PAN3: variants seen among roughly 807,000 people sequenced by gnomAD.
The protein encoded by PAN3 is PAN2-PAN3 deadenylation complex subunit PAN3.
PAN3 carries 19 observed loss-of-function variants against 96.2 expected under a neutral mutation model. That is an observed-to-expected ratio of 0.20 (90% CI 0.14 to 0.29). The LOEUF (loss-of-function observed/expected upper bound fraction) is 0.29. Ranked by LOEUF, PAN3 falls within the 10% of genes least tolerant of loss-of-function variation. The probability of loss-of-function intolerance (pLI) is 1.00; values close to 1 mark genes in which losing one functional copy is unlikely to be tolerated. For missense variants in PAN3, 882 were observed against 1,108.1 expected, an observed-to-expected ratio of 0.80 and a Z score of 2.90; for synonymous variants, 433 against 406.6, an observed-to-expected ratio of 1.06 and a Z score of -0.78.
At chr13:28,246,856 C>T (rs188357668) in intron 6 of PAN3, among the ~76,000 whole-genome samples, 273 of 152,204 alleles carry the variant, frequency 1.8e-3, no homozygotes, top group African/African-American at 6.2e-3. Flanking sequence ...TGTATCTCGG[C>T]TATTGTGAAT....
At chr13:28,277,216 A>G in intron 14 of PAN3, 21 bp from the exon 15 acceptor site, 2 of 1,592,690 alleles carry the variant, frequency 1.3e-6, no homozygotes, top group Non-Finnish European at 1.7e-6. Context: ...ATTAAAAGTT[A>G]TATTTATTCT....
chr13:28,144,223 T>TG (rs1870271445), intron 1 of PAN3, among the ~76,000 whole-genome samples: 1 of 143,654 alleles, frequency 7.0e-6, no homozygotes, highest in Admixed American at 7.0e-5. Flanking sequence ...TTTTTTTTTT[T>TG]TTTTTTTTTT....
chr13:28,270,643 C>G, intron 12 of PAN3, 58 bp from the exon 13 acceptor site: 15 of 1,545,530 alleles, frequency 9.7e-6, no homozygotes, highest in Non-Finnish European at 1.3e-5. Flanking sequence ...GATGTTAATG[C>G]TTTAGTCTTT....
intron 4 of PAN3, among the ~76,000 whole-genome samples, chr13:28,191,227 C>T (rs746040122): frequency 6.6e-6 from 1 of 152,194 alleles, no homozygotes. Context: ...CTGATCTTCT[C>T]TTTAACCTCT....
rs377685978 is a variant in PAN3, at chr13:28,197,330, C to G, written c.836C>G (p.Thr279Arg). ...AATATGGTTTGGTGGAACAGAGTCACAGAAAACAATTTACAGGTAAAAATA... is the reference window on the plus strand; with the variant it reads ...AATATGGTTTGGTGGAACAGAGTCAGAGAAAACAATTTACAGGTAAAAATA... ...PINMVWWNRV[T>R]ENNLQTPNPT... The change falls in exon 5 of 19, where the codon ACA becomes AGA. Residue 279 changes from threonine to arginine, a missense_variant. Around this residue, in one of 3 missense-constraint regions of PAN3, gnomAD observed 442 missense variants for 422.8 expected, o/e 1.05. Coordinates refer to ENST00000380958, the MANE Select transcript of PAN3 (RefSeq NM_175854.8). 73 of 1,601,790 alleles carry G rather than the reference C, an allele frequency of 4.6e-5. No homozygotes were observed. Among genetic ancestry groups the G allele is most frequent in the Non-Finnish European group, 6.0e-5 (71 of 1,174,378 alleles).
intron 4 of PAN3, among the ~76,000 whole-genome samples, chr13:28,189,538 AC>A (rs67429923): frequency 0.22 from 32,876 of 151,158 alleles, 3,671 homozygotes; most frequent in East Asian, 0.33. Context: ...ACAAAACAAA[AC>A]AAAAAAACTC....
chr13:28,288,778 C>T (rs189884605), intron 18 of PAN3, among the ~76,000 whole-genome samples: 148 of 151,284 alleles, frequency 9.8e-4, no homozygotes, highest in Middle Eastern at 3.5e-3. Context: ...GAACCCCTTC[C>T]GAATCATTGT....
chr13:28,161,236 G>A (rs1425284159), intron 1 of PAN3, among the ~76,000 whole-genome samples: 1 of 152,056 alleles, frequency 6.6e-6, no homozygotes, highest in Non-Finnish European at 1.5e-5. Flanking sequence ...TATTGTCTCA[G>A]GTTTGGAGGC....
intron 6 of PAN3, among the ~76,000 whole-genome samples, chr13:28,236,262 C>CT (rs545660180): frequency 9.7e-4 from 148 of 152,242 alleles, no homozygotes; most frequent in African/African-American, 3.4e-3. Flanking sequence ...TGATCTCATG[C>CT]TGGTTCCAGT....
rs186480959 is a variant in PAN3, at chr13:28,154,653, C to T, written c.430+15566C>T. On this transcript the variant is annotated intron_variant, in intron 1 of 18. Transcript: ENST00000380958. Reference sequence around the variant, plus strand: ...GGGATTACAGGTGCCCTCCACTACGCCCAGCTAATTTTTTGTATTTTTAGT... The same window carrying T: ...GGGATTACAGGTGCCCTCCACTACGTCCAGCTAATTTTTTGTATTTTTAGT... Among the ~76,000 whole-genome samples the T allele has an allele frequency of 7.9e-5, 12 of 152,016 alleles. No homozygotes were observed. In the East Asian group the frequency reaches 2.3e-3, roughly 29 times the overall value.
chr13:28,173,934 CAGG>C (rs1042533979), intron 1 of PAN3, among the ~76,000 whole-genome samples: 49 of 152,160 alleles, frequency 3.2e-4, no homozygotes, highest in African/African-American at 1.2e-3. Flanking sequence ...CAGTGATTCA[CAGG>C]AGAAATTGTT....
At chr13:28,239,133 TCCCACCCCC>T (rs1566216355) in intron 6 of PAN3, among the ~76,000 whole-genome samples, 6 of 43,332 alleles carry the variant, frequency 1.4e-4, no homozygotes, top group African/African-American at 2.8e-4. Context: ...AGACTTTTAA[TCCCACCCCC>T]CCCACCCCCC....
intron 5 of PAN3, chr13:28,215,835 A>G (rs145965646): frequency 9.3e-6 from 13 of 1,399,548 alleles, no homozygotes; most frequent in Admixed American, 5.0e-5. Flanking sequence ...AGCAGTGGAC[A>G]AGAAGGCTGC....
chr13:28,217,833 A>G (rs553229060), intron 5 of PAN3, among the ~76,000 whole-genome samples: 3 of 18,880 alleles, frequency 1.6e-4, no homozygotes, highest in East Asian at 1.5e-3. Flanking sequence ...CAGGGATAGT[A>G]AAACTTTAGT....
intron 6 of PAN3, among the ~76,000 whole-genome samples, chr13:28,243,862 T>A (rs530883510): frequency 6.6e-6 from 1 of 152,226 alleles, no homozygotes; most frequent in African/African-American, 2.4e-5. Context: ...CTAACTTTTG[T>A]ATTTTTAGTA....
intron 1 of PAN3, among the ~76,000 whole-genome samples, chr13:28,168,239 A>G (rs570416601): frequency 6.6e-6 from 1 of 152,214 alleles, no homozygotes; most frequent in Non-Finnish European, 1.5e-5. Context: ...TTTGGGAATT[A>G]TTTGCATTAT....
chr13:28,223,884 T>A (rs2138397465), intron 6 of PAN3, among the ~76,000 whole-genome samples: 1 of 138,422 alleles, frequency 7.2e-6, no homozygotes, highest in Admixed American at 7.1e-5. Flanking sequence ...TTTTTTTTTT[T>A]TTTTTTTTTT....
intron 5 of PAN3, among the ~76,000 whole-genome samples, chr13:28,217,666 T>C (rs1176781025): frequency 6.6e-6 from 1 of 152,162 alleles, no homozygotes; most frequent in East Asian, 1.9e-4. Flanking sequence ...CATTAATTTT[T>C]TTAAAATGTC....
intron 6 of PAN3, among the ~76,000 whole-genome samples, chr13:28,221,347 T>G (rs1881387540): frequency 6.9e-6 from 1 of 144,242 alleles, no homozygotes; most frequent in Admixed American, 7.0e-5. Context: ...TCTTGGACAT[T>G]AAAAAAAAAA....
Sources: gnomAD v4.1 joint callset for allele counts (sites outside exome capture counted in the v4.1 genomes callset) on GRCh38, gnomAD v4.1.1 for gene constraint, gnomAD v4.1.1 regional missense constraint, MANE v1.5 for transcripts, NCBI Gene and HGNC (gene_info 2026-07-23, HGNC 2026-07-21) for gene names.